The following ANKRD28 variants were observed in gnomAD, a reference collection of about 807,000 sequenced individuals.
The protein encoded by ANKRD28 is ankyrin repeat domain 28.
In ANKRD28, 44 loss-of-function variants were observed where a neutral mutation model predicts 126.5. The ratio of observed to expected loss-of-function variants is 0.35; its 90% confidence interval spans 0.27 to 0.45. The LOEUF (loss-of-function observed/expected upper bound fraction) is 0.45, where lower values mean the gene tolerates loss of function less well. Among genes scored for constraint, ANKRD28 ranks in the 20% least tolerant of loss-of-function variants. The pLI, the probability that ANKRD28 is intolerant of heterozygous loss-of-function variation, is 1.00. For missense variants in ANKRD28, 1,110 were observed against 1,316.6 expected, an observed-to-expected ratio of 0.84 and a Z score of 2.43; for synonymous variants, 442 against 468.5, an observed-to-expected ratio of 0.94 and a Z score of 0.73.
intron 1 of ANKRD28, among the ~76,000 whole-genome samples, chr3:15,829,176 TTTTAA>T (rs1575782707): frequency 6.6e-6 from 1 of 152,148 alleles, no homozygotes; most frequent in East Asian, 1.9e-4. Flanking sequence ...AAAGTATTAT[TTTTAA>T]TTTATTTACT....
At position 15,694,763 on chromosome 3, in the gene ANKRD28, T is replaced by C; in HGVS notation, c.1737A>G (p.Ala579=). 1 of 1,613,550 alleles carries C rather than the reference T, an allele frequency of 6.2e-7. No individual in the cohort carries two copies. Among genetic ancestry groups the C allele is most frequent in the Non-Finnish European group, 8.5e-7 (1 of 1,179,534 alleles). Residue 579 remains alanine (A), a synonymous_variant, in exon 17 of 28, where the codon GCA becomes GCG. Coordinates refer to ENST00000683139, the MANE Select transcript of ANKRD28 (RefSeq NM_001349278.2). ...TDMLSDSDNR[A]TISPLHLAAY... The stretch of plus-strand genomic sequence containing the variant: ...CAGCCAAGTGTAAAGGGCTTATTGT[T>C]GCTCTATTATCTGAATCACTCAGCA...
intron 3 of ANKRD28, among the ~76,000 whole-genome samples, chr3:15,764,799 C>T (rs921462263): frequency 2.0e-5 from 3 of 152,062 alleles, no homozygotes; most frequent in African/African-American, 7.2e-5. Context: ...TAATAAGGAA[C>T]AGGCATCTTC....
Position 15,763,689 on chromosome 3 carries a change from G to A in ANKRD28, c.280+2545C>T, listed in dbSNP as rs147625228. On this transcript the variant is annotated intron_variant, in intron 3 of 27. Transcript: ENST00000683139. ...TTTAAGGCTAAGGAAACAGCAGTGC[G>A]AAGAACCAGAGGTAGAAGGCAGCCA... Among the ~76,000 whole-genome samples the A allele has an allele frequency of 4.6e-5, 7 of 152,242 alleles. No individual in the cohort carries two copies. The East Asian group carries it at 9.7e-4, about 21-fold the overall frequency.
chr3:15,737,812 A>G (rs905859951), intron 4 of ANKRD28, among the ~76,000 whole-genome samples: 6 of 152,054 alleles, frequency 3.9e-5, no homozygotes, highest in African/African-American at 1.4e-4. Flanking sequence ...TTTACACTGC[A>G]TATATAAAAA....
At chr3:15,674,890 A>G (rs2066772485) in intron 27 of ANKRD28, among the ~76,000 whole-genome samples, 1 of 152,130 alleles carries the variant, frequency 6.6e-6, no homozygotes, top group African/African-American at 2.4e-5. Context: ...AACACAGTAG[A>G]AGTCATTGGT....
intron 1 of ANKRD28, among the ~76,000 whole-genome samples, chr3:15,818,383 A>C (rs1411474798): frequency 6.6e-6 from 1 of 152,216 alleles, no homozygotes; most frequent in Non-Finnish European, 1.5e-5. Context: ...AATTTAAAAT[A>C]GTTTACAAAA....
chr3:15,732,998 C>T (rs796367659), intron 6 of ANKRD28: 14 of 152,286 alleles, frequency 9.2e-5, no homozygotes, highest in African/African-American at 3.4e-4. Context: ...AACCGTGTCT[C>T]TACTAAAAAT....
intron 2 of ANKRD28, among the ~76,000 whole-genome samples, chr3:15,784,326 T>A (rs1376085608): frequency 6.6e-6 from 1 of 152,016 alleles, no homozygotes; most frequent in African/African-American, 2.4e-5. Context: ...TATGTGCTCA[T>A]GTATGCTTAT....
chr3:15,810,230 A>G lies in ANKRD28; in HGVS notation c.28-14924T>C, dbSNP rs181812112. 3.3e-4 allele frequency among the ~76,000 whole-genome samples: 50 copies of G among 152,236 alleles called. 2 individuals are homozygous for G. The highest frequency in any genetic ancestry group is 3.3e-3 in the Admixed American group (50 of 15,294). ...TCACAATTAGTTTAAACCAGAGGCC[A>G]TGTAGGATGGTGAAACAGTAAACTG... On this transcript the variant is annotated intron_variant, in intron 1 of 27. Coordinates refer to the ANKRD28 transcript ENST00000399451.
intron 3 of ANKRD28, among the ~76,000 whole-genome samples, chr3:15,760,661 A>C (rs1415035091): frequency 6.6e-6 from 1 of 152,226 alleles, no homozygotes; most frequent in South Asian, 2.1e-4. Context: ...GGAGACCTCA[A>C]AGAAAAGTTA....
chr3:15,778,994 C>T (rs2059424890), intron 2 of ANKRD28, among the ~76,000 whole-genome samples: 1 of 152,178 alleles, frequency 6.6e-6, no homozygotes, highest in Non-Finnish European at 1.5e-5. Context: ...GAGGTGCCTT[C>T]TGCCATGATT....
intron 2 of ANKRD28, among the ~76,000 whole-genome samples, chr3:15,786,645 A>T (rs2059793738): frequency 1.3e-5 from 2 of 152,042 alleles, no homozygotes; most frequent in Admixed American, 6.6e-5. Flanking sequence ...ATAAAAGTTT[A>T]AAAAAATAGT....
Position 15,833,557 on chromosome 3 carries a change from G to A in ANKRD28, c.27+25820C>T, listed in dbSNP as rs1048000722. On this transcript the variant is annotated intron_variant, in intron 1 of 27. Transcript: ENST00000399451. This position sits in a 1 kb window ranked among gnomAD's most constrained non-coding sequence, Gnocchi z 4.4. ...ATACATTATTTTTTATATATATAAT[G>A]TGTGTGTGTATATATATATCTCCTA... Among the ~76,000 whole-genome samples the A allele has an allele frequency of 1.3e-4, 20 of 149,062 alleles. No homozygotes were observed. The highest frequency in any genetic ancestry group is 2.5e-4 in the Non-Finnish European group (17 of 67,428).
At chr3:15,724,608 TA>T in intron 6 of ANKRD28, 84 bp from the exon 7 acceptor site, 1 of 1,297,154 alleles carries the variant, frequency 7.7e-7, no homozygotes, top group Non-Finnish European at 1.0e-6. Context: ...TAAGCAAATT[TA>T]AAAAATGCAA....
intron 2 of ANKRD28, among the ~76,000 whole-genome samples, chr3:15,792,003 A>T (rs1444495434): frequency 6.6e-6 from 1 of 152,200 alleles, no homozygotes; most frequent in Non-Finnish European, 1.5e-5. Context: ...ATCACTAATC[A>T]TCAGATATCC....
chr3:15,826,441 A>C (rs897502925), intron 1 of ANKRD28, among the ~76,000 whole-genome samples: 2 of 152,208 alleles, frequency 1.3e-5, no homozygotes, highest in Non-Finnish European at 2.9e-5. Context: ...AAATTTTAGA[A>C]AACATAACAG....
chr3:15,830,266 C>T lies in ANKRD28; in HGVS notation c.27+29111G>A, dbSNP rs986512133. Among the ~76,000 whole-genome samples, 10 of 152,078 alleles carry T rather than the reference C, an allele frequency of 6.6e-5. No individual in the cohort carries two copies. The highest frequency in any genetic ancestry group is 1.2e-4 in the Non-Finnish European group (8 of 68,000). ...ATAACAGTTTTGACTTTAGGGACTC[C>T]CAGGGGTTCATGGACCACACTATGA... On this transcript the variant is annotated intron_variant, in intron 1 of 27. Coordinates refer to the ANKRD28 transcript ENST00000399451. The surrounding 1 kb of genome is among the most constrained non-coding windows in gnomAD (Gnocchi z 4.5).
chr3:15,807,374 G>A (rs1220113528), intron 1 of ANKRD28, among the ~76,000 whole-genome samples: 1 of 152,130 alleles, frequency 6.6e-6, no homozygotes, highest in Non-Finnish European at 1.5e-5. Flanking sequence ...GATAGACGTG[G>A]ACATACAAAC....
intron 3 of ANKRD28, among the ~76,000 whole-genome samples, chr3:15,752,463 T>G (rs2057916914): frequency 6.6e-6 from 1 of 152,188 alleles, no homozygotes; most frequent in African/African-American, 2.4e-5. Flanking sequence ...AAAATTAACC[T>G]TAATAGAATG....
Sources: allele counts gnomAD v4.1 joint callset (sites outside exome capture counted in the v4.1 genomes callset), GRCh38; gene constraint gnomAD v4.1.1; non-coding constraint Gnocchi (gnomAD v3.1); transcripts MANE v1.5; gene names NCBI Gene and HGNC (gene_info 2026-07-23, HGNC 2026-07-21).